Variants in FAM163A observed in about 807,000 individuals in gnomAD.
FAM163A encodes the protein protein FAM163A.
In FAM163A, 7 loss-of-function variants were observed where a neutral mutation model predicts 12.0. That is an observed-to-expected ratio of 0.58 (90% CI 0.33 to 1.10). FAM163A has a LOEUF of 1.10. Among genes scored for constraint, FAM163A ranks in the 50% least tolerant of loss-of-function variants. The pLI is 0.03. For missense variants in FAM163A, 202 were observed against 218.6 expected (o/e 0.92, Z 0.48); for synonymous variants, 101 against 91.0 (o/e 1.11, Z -0.62).
chr1:179,814,352 T>C lies in FAM163A; in HGVS notation c.*163T>C. ...ACTAGGATTTAAGCTTTTGAGTGCA[T>C]TGAGAACCAAGACAGGGCCTGGCTC... On this transcript the variant is annotated 3_prime_UTR_variant, in exon 5 of 5. Transcript: ENST00000341785. 1.0e-6 allele frequency: 1 copy of C among 969,496 alleles called. No individual in the cohort carries two copies. The highest frequency in any genetic ancestry group is 1.5e-6 in the Non-Finnish European group (1 of 681,924). 60.1% of individuals were successfully genotyped at this position (969,496 alleles called of 1,614,324 possible).
intron 1 of FAM163A, among the ~76,000 whole-genome samples, chr1:179,745,183 G>T (rs1571286859): frequency 6.6e-6 from 1 of 150,670 alleles, no homozygotes; most frequent in African/African-American, 2.4e-5. Context: ...CTCTCGGAGG[G>T]TCCTGCTGGG....
chr1:179,735,820 A>C, the FAM163A span, among the ~76,000 whole-genome samples: 44 of 152,186 alleles, frequency 2.9e-4, 1 homozygote, highest in Non-Finnish European at 3.7e-4. Flanking sequence ...CTACATTCTA[A>C]GACAGGGTGG....
intron 1 of FAM163A, among the ~76,000 whole-genome samples, chr1:179,781,929 G>A (rs1397825562): frequency 2.3e-5 from 2 of 86,048 alleles, no homozygotes; most frequent in African/African-American, 5.2e-5. Flanking sequence ...GCAAGAATCC[G>A]TATCAAAAAA....
chr1:179,735,920 A>G, the FAM163A span, among the ~76,000 whole-genome samples: 10 of 152,338 alleles, frequency 6.6e-5, no homozygotes, highest in African/African-American at 2.4e-4. Context: ...AAGTCTATAC[A>G]ATGGGAAAAG....
intron 1 of FAM163A, among the ~76,000 whole-genome samples, chr1:179,766,317 T>C (rs191260537): frequency 6.6e-6 from 1 of 152,330 alleles, no homozygotes; most frequent in East Asian, 1.9e-4. Flanking sequence ...CTGTAGGTCA[T>C]GAGACCCCCC....
At position 179,814,259 on chromosome 1, in the gene FAM163A, ACCCT is replaced by A. The variant is rs1346360304; in HGVS notation, c.*73_*76del. The A allele has an allele frequency of 1.3e-6, 2 of 1,504,710 alleles. No individual in the cohort carries two copies. Among genetic ancestry groups the A allele is most frequent in the African/African-American group, 2.8e-5 (2 of 71,564 alleles). The allele number at this position is 1,504,710 out of a possible 1,614,324, so 93.2% of individuals were successfully genotyped here. ...GCGGGGGCCATGGGGGTGATGAATG[ACCCT>A]CCAACAGCCCCACATGGGTTGTTTC... On this transcript the variant is annotated 3_prime_UTR_variant, in exon 5 of 5. Transcript: ENST00000341785.
At chr1:179,760,768 C>G (rs1014213329) in intron 1 of FAM163A, among the ~76,000 whole-genome samples, 2 of 152,206 alleles carry the variant, frequency 1.3e-5, no homozygotes, top group African/African-American at 4.8e-5. Flanking sequence ...TACATCCACC[C>G]TTGCTACCAG....
rs111748247 is a variant in FAM163A at position 179,815,114 on chromosome 1, G to C, written c.*925G>C. 39,269 of 129,858 alleles carry C rather than the reference G, an allele frequency of 0.3. 5,446 individuals are homozygous for C. Among genetic ancestry groups the C allele is most frequent in the African/African-American group, 0.45 (11,911 of 26,538 alleles). The allele number at this position is 129,858 out of a possible 1,614,324, so 8.0% of individuals were successfully genotyped here. On this transcript the variant is annotated 3_prime_UTR_variant, in exon 5 of 5. Coordinates refer to ENST00000341785, the MANE Select transcript of FAM163A (RefSeq NM_173509.3). The stretch of plus-strand genomic sequence containing the variant: ...GTACGCACGCGCGCGCGCGCGCACA[G>C]ACACACACACACACACACACACACA...
At position 179,802,760 on chromosome 1, in the gene FAM163A, A is replaced by G. The variant is rs186389631; in HGVS notation, c.-135-5038A>G. 2.6e-5 allele frequency among the ~76,000 whole-genome samples: 4 copies of G among 152,296 alleles called. No homozygotes were observed. In the East Asian group the frequency reaches 5.8e-4, roughly 22 times the overall value. On this transcript the variant is annotated intron_variant, in intron 1 of 4. Transcript: ENST00000341785. ...CCTGCTCCTGACTTTTGCCAATCCAAAGGTAAAAAGTGATAGCTCATTGTG... is the reference window on the plus strand; with the variant it reads ...CCTGCTCCTGACTTTTGCCAATCCAGAGGTAAAAAGTGATAGCTCATTGTG...
At chr1:179,808,377 G>C (rs1380966074) in intron 2 of FAM163A, among the ~76,000 whole-genome samples, 1 of 152,234 alleles carries the variant, frequency 6.6e-6, no homozygotes, top group Non-Finnish European at 1.5e-5. Flanking sequence ...CAGGAGTCCA[G>C]ACATGGCTGG....
intron 4 of FAM163A, 32 bp downstream of exon 4, chr1:179,813,222 C>T (rs1015821942): frequency 1.3e-6 from 2 of 1,540,100 alleles, no homozygotes; most frequent in Non-Finnish European, 1.8e-6. Context: ...CCAGAGGCTG[C>T]CAGGCCACCA....
rs74132260 is a variant in FAM163A at position 179,792,962 on chromosome 1, G to A, written c.-135-14836G>A. Among the ~76,000 whole-genome samples the A allele has an allele frequency of 9.3e-3, 1,413 of 151,742 alleles. 28 individuals are homozygous for A. The highest frequency in any genetic ancestry group is 0.032 in the African/African-American group (1,339 of 41,332). On this transcript the variant is annotated intron_variant, in intron 1 of 4. Coordinates refer to ENST00000341785, the MANE Select transcript of FAM163A (RefSeq NM_173509.3). ...GGACAGCTGGTTTTGCCCCAGAAAG[G>A]GTGCATAAAGAAAGTAGCATCTGAG... is the stretch of plus-strand genomic sequence containing the variant.
At chr1:179,802,370 C>T (rs570502341) in intron 1 of FAM163A, among the ~76,000 whole-genome samples, 1 of 152,180 alleles carries the variant, frequency 6.6e-6, no homozygotes, top group Non-Finnish European at 1.5e-5. Context: ...GCTAAGCTTT[C>T]TCCTTGTTGC....
intron 1 of FAM163A, among the ~76,000 whole-genome samples, chr1:179,766,937 G>A (rs1390463948): frequency 6.6e-6 from 1 of 152,008 alleles, no homozygotes; most frequent in African/African-American, 2.4e-5. Flanking sequence ...TATCTTTTTA[G>A]TAGAGACAGG....
At chr1:179,736,416 A>G in the FAM163A span, among the ~76,000 whole-genome samples, 1 of 152,228 alleles carries the variant, frequency 6.6e-6, no homozygotes, top group African/African-American at 2.4e-5. Flanking sequence ...GCCAAATGGT[A>G]TATAAAAAAG....
At chr1:179,768,686 A>G (rs113173495) in intron 1 of FAM163A, among the ~76,000 whole-genome samples, 14,035 of 152,072 alleles carry the variant, frequency 0.092, 830 homozygotes, top group Non-Finnish European at 0.13. Context: ...GCTCACTGCA[A>G]CCTCAACCTC....
At chr1:179,767,313 A>G (rs16854692) in intron 1 of FAM163A, among the ~76,000 whole-genome samples, 17,309 of 152,104 alleles carry the variant, frequency 0.11, 1,090 homozygotes, top group Non-Finnish European at 0.13. Flanking sequence ...AATTTGAAAA[A>G]TGGCCTATGA....
At chr1:179,773,497 G>A (rs1014470530) in intron 1 of FAM163A, among the ~76,000 whole-genome samples, 3 of 152,166 alleles carry the variant, frequency 2.0e-5, no homozygotes, top group Admixed American at 1.3e-4. Flanking sequence ...GGAGTATATG[G>A]GATCTGTATT....
At chr1:179,740,142 A>T (rs2454192), upstream of FAM163A, among the ~76,000 whole-genome samples, 82,375 of 151,972 alleles carry the variant, frequency 0.54, 23,210 homozygotes, top group East Asian at 0.96. Context: ...TAAACCTGTA[A>T]ACAAATGTTT....
Sources: allele counts gnomAD v4.1 joint callset (sites outside exome capture counted in the v4.1 genomes callset), GRCh38; gene constraint gnomAD v4.1.1; transcripts MANE v1.5; gene names NCBI Gene and HGNC (gene_info 2026-07-23, HGNC 2026-07-21).